Variants in BMP7 observed in about 807,000 individuals in gnomAD.
BMP7 encodes osteogenic protein 1.
In BMP7, 12 loss-of-function variants were observed where a neutral mutation model predicts 41.2. The ratio of observed to expected loss-of-function variants is 0.29; its 90% CI spans 0.19 to 0.47. The LOEUF is 0.47. BMP7 is among the 20% of genes least tolerant of loss of function. BMP7 has a pLI of 0.99. For synonymous variants in BMP7, 248 were observed against 250.0 expected, an observed-to-expected ratio of 0.99 and a Z score of 0.07; for missense variants, 467 against 606.0, an observed-to-expected ratio of 0.77 and a Z score of 2.41.
At chr20:57,193,176 G>T (rs760819438) in intron 3 of BMP7, among the ~76,000 whole-genome samples, 5 of 152,224 alleles carry the variant, frequency 3.3e-5, no homozygotes, top group Non-Finnish European at 7.3e-5. Flanking sequence ...GCACTAGCGC[G>T]TGTACAGACG....
At chr20:57,184,045 TTTA>T in intron 3 of BMP7, 126 bp from the exon 4 acceptor site, 2 of 1,120,916 alleles carry the variant, frequency 1.8e-6, no homozygotes, top group Non-Finnish European at 2.6e-6. Context: ...CCAGTAAGTA[TTTA>T]TTGAGTACTC....
At chr20:57,212,833 G>A (rs1326878992) in intron 2 of BMP7, among the ~76,000 whole-genome samples, 1 of 152,298 alleles carries the variant, frequency 6.6e-6, no homozygotes, top group East Asian at 1.9e-4. Flanking sequence ...CGGGTCCAAG[G>A]GGTGCCCCTT....
intron 3 of BMP7, chr20:57,187,063 G>T (rs192134162): frequency 6.6e-6 from 1 of 152,168 alleles, no homozygotes; most frequent in Non-Finnish European, 1.5e-5. Context: ...AAATCCACGC[G>T]CTGCAAAAAG....
intron 4 of BMP7, among the ~76,000 whole-genome samples, chr20:57,181,519 AAAAAG>A (rs1984079384): frequency 3.3e-5 from 5 of 152,174 alleles, no homozygotes; most frequent in Non-Finnish European, 7.4e-5. Flanking sequence ...AAAGAAAAGA[AAAAAG>A]AAAAAGAAAA....
intron 6 of BMP7, chr20:57,172,997 C>G: frequency 3.1e-6 from 2 of 637,902 alleles, no homozygotes; most frequent in South Asian, 3.6e-5. Context: ...ACTCCAGGGT[C>G]GAAGATTATA....
chr20:57,196,302 C>G (rs1984489835), intron 3 of BMP7, among the ~76,000 whole-genome samples: 1 of 152,190 alleles, frequency 6.6e-6, no homozygotes, highest in Non-Finnish European at 1.5e-5. Flanking sequence ...GCAGGAAGCC[C>G]TTCTGAACCA....
intron 3 of BMP7, among the ~76,000 whole-genome samples, chr20:57,193,991 C>T (rs1444849106): frequency 6.6e-6 from 1 of 152,166 alleles, no homozygotes; most frequent in East Asian, 1.9e-4. Flanking sequence ...TGCCCAGCCC[C>T]CTCGTGCCTG....
rs1051354359 is a variant in BMP7 at position 57,169,707 on chromosome 20, G to A, written c.*1252C>T. The A allele has an allele frequency of 6.6e-6, 1 of 152,170 alleles. No individual in the cohort carries two copies. The highest frequency in any genetic ancestry group is 1.5e-5 in the Non-Finnish European group (1 of 68,038). The allele number at this position is 152,170 out of a possible 1,614,324, so 9.4% of individuals were successfully genotyped here. On this transcript the variant is annotated 3_prime_UTR_variant, in exon 7 of 7. Coordinates refer to ENST00000395863, the MANE Select transcript of BMP7 (RefSeq NM_001719.3). ...ACCAGAGGGTCCACTGGGGCGATGT[G>A]CAGTGCTCCTGCTCACCCCACTCCC...
At chr20:57,185,857 T>G (rs1232720957) in intron 3 of BMP7, among the ~76,000 whole-genome samples, 1 of 151,724 alleles carries the variant, frequency 6.6e-6, no homozygotes, top group Admixed American at 6.6e-5. Context: ...GGCAGAGCTT[T>G]GCATACCCTA....
intron 2 of BMP7, among the ~76,000 whole-genome samples, chr20:57,220,768 C>T (rs909137242): frequency 5.3e-5 from 8 of 152,212 alleles, no homozygotes; most frequent in African/African-American, 1.9e-4. Context: ...ATCATAATTA[C>T]AGGCAATTTT....
intron 1 of BMP7, among the ~76,000 whole-genome samples, chr20:57,262,341 G>A (rs2066157493): frequency 6.6e-6 from 1 of 152,238 alleles, no homozygotes; most frequent in African/African-American, 2.4e-5. Flanking sequence ...AAGGGGCCCA[G>A]GCTGGGAAGA....
At chr20:57,189,874 C>T (rs1026278152) in intron 3 of BMP7, among the ~76,000 whole-genome samples, 2 of 152,212 alleles carry the variant, frequency 1.3e-5, no homozygotes, top group Admixed American at 1.3e-4. Context: ...GGGAGATCAG[C>T]TCAGGGGTGC....
At position 57,174,363 on chromosome 20, in the gene BMP7, G is replaced by A. The variant is rs551371757; in HGVS notation, c.1035+568C>T. Among the ~76,000 whole-genome samples the A allele has an allele frequency of 1.4e-4, 21 of 152,298 alleles. No homozygotes were observed. The highest frequency in any genetic ancestry group is 5.1e-4 in the African/African-American group (21 of 41,554). ...ACTGCTGAATGAGAATCACACCAGA[G>A]CTCACGGCAGGTGGATCACATGACC... On this transcript the variant is annotated intron_variant, in intron 5 of 6. Coordinates refer to ENST00000395863, the MANE Select transcript of BMP7 (RefSeq NM_001719.3). This position sits in a 1 kb window ranked among gnomAD's most constrained non-coding sequence, Gnocchi z 4.3.
At chr20:57,207,592 G>A (rs1984760628) in intron 2 of BMP7, among the ~76,000 whole-genome samples, 1 of 152,132 alleles carries the variant, frequency 6.6e-6, no homozygotes, top group Non-Finnish European at 1.5e-5. Flanking sequence ...CACATCCAAG[G>A]CAACAGAGCC....
intron 3 of BMP7, among the ~76,000 whole-genome samples, chr20:57,193,576 A>AT (rs1283101937): frequency 1.3e-5 from 2 of 152,226 alleles, no homozygotes; most frequent in Non-Finnish European, 2.9e-5. Context: ...GCATTGGCTT[A>AT]TTCCAACCTG....
At chr20:57,217,012 C>A (rs1337965340) in intron 2 of BMP7, among the ~76,000 whole-genome samples, 2 of 152,160 alleles carry the variant, frequency 1.3e-5, no homozygotes, top group Non-Finnish European at 2.9e-5. Flanking sequence ...CTCAGAGATG[C>A]TTTTCCTACT....
rs7270882 is a variant in BMP7 at position 57,205,590 on chromosome 20, C to T, written c.612-2967G>A. On this transcript the variant is annotated intron_variant, in intron 2 of 6. Coordinates refer to ENST00000395863, the MANE Select transcript of BMP7 (RefSeq NM_001719.3). ...AAGGCCCCTGTAGGAAATATCCACA[C>T]CTCAGCACAGAAGTCACAAACCCAG... Among the ~76,000 whole-genome samples the T allele has an allele frequency of 9.4e-3, 1,426 of 152,300 alleles. 21 individuals carry two copies. The highest frequency in any genetic ancestry group is 0.033 in the African/African-American group (1,365 of 41,548).
chr20:57,172,781 C>T (rs1476138168), intron 6 of BMP7, among the ~76,000 whole-genome samples: 1 of 152,138 alleles, frequency 6.6e-6, no homozygotes, highest in South Asian at 2.1e-4. Flanking sequence ...CCCCACTCAT[C>T]TCTCCATCCC....
At chr20:57,179,080 T>G (rs1984006202) in intron 4 of BMP7, among the ~76,000 whole-genome samples, 1 of 152,168 alleles carries the variant, frequency 6.6e-6, no homozygotes, top group Non-Finnish European at 1.5e-5. Flanking sequence ...GGTGTACGAG[T>G]GAGGCGTGGG....
Sources: gnomAD v4.1 joint callset for allele counts (sites outside exome capture counted in the v4.1 genomes callset) on GRCh38, gnomAD v4.1.1 for gene constraint, Gnocchi (gnomAD v3.1) non-coding constraint, MANE v1.5 for transcripts, NCBI Gene and HGNC (gene_info 2026-07-23, HGNC 2026-07-21) for gene names.